Variants in CPA6 observed in about 807,000 individuals in gnomAD.
CPA6 encodes carboxypeptidase B.
In CPA6, 58 loss-of-function variants were observed where a neutral mutation model predicts 63.3. That is an observed-to-expected ratio of 0.92 (90% CI 0.74 to 1.14). The LOEUF is 1.14. Ranked by LOEUF, CPA6 falls within the 50% of genes most tolerant of loss-of-function variation. The pLI is 0.00. For synonymous variants in CPA6, 185 were observed against 179.0 expected (o/e 1.03, Z -0.27); for missense variants, 565 against 526.6 (o/e 1.07, Z -0.71).
At chr8:67,741,770 G>T (rs1014155424) in intron 1 of CPA6, among the ~76,000 whole-genome samples, 4 of 152,074 alleles carry the variant, frequency 2.6e-5, no homozygotes, top group African/African-American at 9.7e-5. Flanking sequence ...GGCTTCCACT[G>T]ATTCTTTGTT....
At chr8:67,581,474 T>C (rs1813770124) in intron 2 of CPA6, among the ~76,000 whole-genome samples, 1 of 152,220 alleles carries the variant, frequency 6.6e-6, no homozygotes, top group Non-Finnish European at 1.5e-5. Context: ...ATTTCAGCTT[T>C]GGGTGTTAAC....
intron 1 of CPA6, among the ~76,000 whole-genome samples, chr8:67,666,775 G>T (rs1474135754): frequency 1.3e-5 from 2 of 152,126 alleles, no homozygotes; most frequent in Non-Finnish European, 2.9e-5. Flanking sequence ...TTGGGGGAAA[G>T]GGAAGGGCCA....
At chr8:67,573,888 T>A (rs1813552805) in intron 2 of CPA6, among the ~76,000 whole-genome samples, 2 of 41,696 alleles carry the variant, frequency 4.8e-5, no homozygotes, top group African/African-American at 1.6e-4. Context: ...CAAGACTCCG[T>A]CTCAAAAAAA....
At chr8:67,429,083 A>G (rs16933299) in intron 9 of CPA6, among the ~76,000 whole-genome samples, 1,888 of 152,296 alleles carry the variant, frequency 0.012, 33 homozygotes, top group African/African-American at 0.043. Flanking sequence ...TATCCTCACT[A>G]GGAATGGAAA....
intron 6 of CPA6, among the ~76,000 whole-genome samples, chr8:67,503,085 C>T (rs1459532961): frequency 2.6e-5 from 4 of 152,112 alleles, no homozygotes; most frequent in Non-Finnish European, 5.9e-5. Flanking sequence ...GTTGCCCAGG[C>T]TGGAGTGTAG....
chr8:67,731,114 T>C (rs1290487423), intron 1 of CPA6, among the ~76,000 whole-genome samples: 1 of 152,210 alleles, frequency 6.6e-6, no homozygotes, highest in Non-Finnish European at 1.5e-5. Context: ...TACTTTACCA[T>C]TTCATCTAAC....
At chr8:67,628,197 A>T (rs1815236645) in intron 1 of CPA6, among the ~76,000 whole-genome samples, 1 of 151,838 alleles carries the variant, frequency 6.6e-6, no homozygotes, top group African/African-American at 2.4e-5. Context: ...TGGGTGACAG[A>T]GCGAGACTCC....
intron 1 of CPA6, among the ~76,000 whole-genome samples, chr8:67,699,467 T>C (rs1023938637): frequency 2.0e-5 from 3 of 151,832 alleles, no homozygotes; most frequent in African/African-American, 7.3e-5. Context: ...GGGGGGGATG[T>C]TACCTAGAAA....
At chr8:67,496,625 A>G (rs1335180109) in intron 6 of CPA6, among the ~76,000 whole-genome samples, 1 of 148,402 alleles carries the variant, frequency 6.7e-6, no homozygotes, top group African/African-American at 2.5e-5. Context: ...CAGTGGCACA[A>G]TCTTGGCAGA....
chr8:67,688,563 C>T (rs927787064), intron 1 of CPA6, among the ~76,000 whole-genome samples: 2 of 152,254 alleles, frequency 1.3e-5, no homozygotes, highest in South Asian at 2.1e-4. Context: ...TCAAGGGAAT[C>T]GTATTGCAGG....
intron 1 of CPA6, among the ~76,000 whole-genome samples, chr8:67,640,631 G>A (rs908893255): frequency 2.0e-5 from 3 of 151,210 alleles, no homozygotes; most frequent in Non-Finnish European, 4.4e-5. Flanking sequence ...TCCCAGGAGC[G>A]CAGGGGTGCC....
At chr8:67,595,464 T>C (rs1475785864) in intron 2 of CPA6, among the ~76,000 whole-genome samples, 2 of 152,234 alleles carry the variant, frequency 1.3e-5, no homozygotes, top group African/African-American at 4.8e-5. Flanking sequence ...TCTTTTTGTT[T>C]GTCTGTGCCC....
At chr8:67,555,858 C>T (rs914741441) in intron 2 of CPA6, among the ~76,000 whole-genome samples, 24 of 152,292 alleles carry the variant, frequency 1.6e-4, no homozygotes, top group African/African-American at 5.1e-4. Flanking sequence ...AAAAACCATA[C>T]GCATATTATA....
chr8:67,627,648 A>C (rs995780468), intron 1 of CPA6, among the ~76,000 whole-genome samples: 7 of 152,190 alleles, frequency 4.6e-5, no homozygotes, highest in Non-Finnish European at 1.0e-4. Flanking sequence ...AAGCATTTTT[A>C]ATTTTAGTTT....
At chr8:67,602,857 C>G (rs538913937) in intron 2 of CPA6, among the ~76,000 whole-genome samples, 1 of 152,264 alleles carries the variant, frequency 6.6e-6, no homozygotes, top group Non-Finnish European at 1.5e-5. Flanking sequence ...ATTTCTGAAC[C>G]TGCTTGGGAG....
At chr8:67,587,615 G>T (rs1211130673) in intron 2 of CPA6, among the ~76,000 whole-genome samples, 1 of 152,120 alleles carries the variant, frequency 6.6e-6, no homozygotes, top group African/African-American at 2.4e-5. Flanking sequence ...CCAGGGTTAA[G>T]AGGGTAATAA....
chr8:67,573,107 T>C (rs1157834983), intron 2 of CPA6, among the ~76,000 whole-genome samples: 1 of 152,222 alleles, frequency 6.6e-6, no homozygotes, highest in African/African-American at 2.4e-5. Flanking sequence ...AAATTAGGTA[T>C]AGATAAAATG....
chr8:67,570,540 A>G (rs1265044741), intron 2 of CPA6, among the ~76,000 whole-genome samples: 1 of 152,236 alleles, frequency 6.6e-6, no homozygotes, highest in Non-Finnish European at 1.5e-5. Context: ...AAAATGATGT[A>G]AATTCAGACA....
intron 1 of CPA6, among the ~76,000 whole-genome samples, chr8:67,728,443 A>G (rs1330627707): frequency 6.6e-6 from 1 of 152,142 alleles, no homozygotes; most frequent in Non-Finnish European, 1.5e-5. Flanking sequence ...AATTATTTAT[A>G]GACATTTATA....
Sources: gnomAD v4.1 joint callset for allele counts (sites outside exome capture counted in the v4.1 genomes callset) on GRCh38, gnomAD v4.1.1 for gene constraint, MANE v1.5 for transcripts, NCBI Gene and HGNC (gene_info 2026-07-23, HGNC 2026-07-21) for gene names.